Variants in DYRK1A observed in about 807,000 individuals in gnomAD.
DYRK1A encodes the protein dual specificity tyrosine phosphorylation regulated kinase 1A.
DYRK1A carries 9 observed loss-of-function variants against 79.7 expected under a neutral mutation model. That is an observed-to-expected ratio of 0.11 (90% CI 0.07 to 0.20). The LOEUF (loss-of-function observed/expected upper bound fraction) is 0.20, where lower values mean the gene tolerates loss of function less well. DYRK1A is among the 10% of genes least tolerant of loss of function. DYRK1A has a pLI of 1.00. For synonymous variants in DYRK1A, 349 were observed against 329.7 expected (o/e 1.06, Z -0.63); for missense variants, 622 against 956.0 (o/e 0.65, Z 4.61).
At chr21:37,510,038 A>T (rs112996123) in intron 11 of DYRK1A, among the ~76,000 whole-genome samples, 1 of 152,216 alleles carries the variant, frequency 6.6e-6, no homozygotes, top group Non-Finnish European at 1.5e-5. Context: ...ATCAAAAAAC[A>T]TAGTATATAG....
intron 1 of DYRK1A, among the ~76,000 whole-genome samples, chr21:37,377,211 C>A (rs975085049): frequency 5.3e-5 from 8 of 152,210 alleles, no homozygotes; most frequent in Non-Finnish European, 1.5e-5. Context: ...GCTCCGCCTC[C>A]TGGGTTTACG....
At chr21:37,451,930 A>G (rs2051465898) in intron 2 of DYRK1A, among the ~76,000 whole-genome samples, 1 of 152,136 alleles carries the variant, frequency 6.6e-6, no homozygotes, top group Non-Finnish European at 1.5e-5. Context: ...CGGGGATAGC[A>G]TGCTAGTTGG....
In DYRK1A at chr21:37,510,076, A is replaced by C. The variant is rs186567198; in HGVS notation, c.1645-1835A>C. Among the ~76,000 whole-genome samples the C allele has an allele frequency of 4.2e-3, 639 of 152,344 alleles. 1 individual carries two copies. Among genetic ancestry groups the C allele is most frequent in the Middle Eastern group, 0.031 (9 of 294 alleles). On this transcript the variant is annotated intron_variant, in intron 11 of 11. Transcript: ENST00000647188. The stretch of plus-strand genomic sequence containing the variant: ...GGTTTAGTCCTCTGCAGTTTCAGGC[A>C]TCCAGTGGGGATCTTGGACTGTATC...
At chr21:37,484,904 C>T (rs2052799870) in intron 5 of DYRK1A, among the ~76,000 whole-genome samples, 2 of 152,136 alleles carry the variant, frequency 1.3e-5, no homozygotes, top group African/African-American at 2.4e-5. Flanking sequence ...GCAGTGTCCA[C>T]GTTGAGGTTC....
At chr21:37,479,977 A>G (rs1256548029) in intron 4 of DYRK1A, among the ~76,000 whole-genome samples, 1 of 152,020 alleles carries the variant, frequency 6.6e-6, no homozygotes, top group Non-Finnish European at 1.5e-5. Flanking sequence ...CCATAGGCGT[A>G]TGGTCTTTGG....
intron 2 of DYRK1A, among the ~76,000 whole-genome samples, chr21:37,450,085 C>T (rs1266972198): frequency 6.6e-6 from 1 of 152,184 alleles, no homozygotes; most frequent in Non-Finnish European, 1.5e-5. Context: ...ACTTTCCTGC[C>T]TCCACTGTGG....
chr21:37,374,425 T>G (rs1475330124), intron 1 of DYRK1A, among the ~76,000 whole-genome samples: 1 of 151,550 alleles, frequency 6.6e-6, no homozygotes, highest in Non-Finnish European at 1.5e-5. Context: ...TATGAAATAT[T>G]ATTAGCTCTA....
intron 5 of DYRK1A, among the ~76,000 whole-genome samples, chr21:37,482,301 C>G (rs565681841): frequency 1.3e-5 from 2 of 152,254 alleles, no homozygotes; most frequent in African/African-American, 2.4e-5. Context: ...TCTATTTTCC[C>G]TAAGCGTCGG....
At chr21:37,400,463 A>AG (rs879808890) in intron 1 of DYRK1A, among the ~76,000 whole-genome samples, 1 of 152,226 alleles carries the variant, frequency 6.6e-6, no homozygotes, top group Non-Finnish European at 1.5e-5. Context: ...AGCAACTTGT[A>AG]GATATATCAT....
chr21:37,486,640 T>A lies in DYRK1A; in HGVS notation c.637+26T>A, dbSNP rs773000560. The A allele has an allele frequency of 6.7e-6, 10 of 1,486,422 alleles. 1 individual carries two copies. In the South Asian group the frequency reaches 1.3e-4, roughly 19 times the overall value. 92.1% of individuals were successfully genotyped at this position (1,486,422 alleles called of 1,614,324 possible). On this transcript the variant is annotated intron_variant, in intron 6 of 11. Transcript: ENST00000647188. ...GTAAACAAACAGGCAAACAGCGCAG[T>A]GTGCCCCAACCCACACCAAAACTTT...
intron 2 of DYRK1A, among the ~76,000 whole-genome samples, chr21:37,471,309 G>A (rs149929937): frequency 6.5e-4 from 99 of 152,344 alleles, no homozygotes; most frequent in Non-Finnish European, 1.2e-3. Context: ...AGAGTGTTGA[G>A]TCTCGTTGAC....
intron 2 of DYRK1A, among the ~76,000 whole-genome samples, chr21:37,450,469 T>TA (rs2051410437): frequency 6.6e-6 from 1 of 152,220 alleles, no homozygotes; most frequent in Non-Finnish European, 1.5e-5. Context: ...GTGGGGGAAC[T>TA]AGATGTCTGA....
At chr21:37,455,524 C>G (rs944662485) in intron 2 of DYRK1A, among the ~76,000 whole-genome samples, 3 of 152,140 alleles carry the variant, frequency 2.0e-5, no homozygotes, top group African/African-American at 4.8e-5. Flanking sequence ...CTTGGAACCG[C>G]TGAGTCATTC....
chr21:37,493,245 T>C, intron 8 of DYRK1A, 82 bp downstream of exon 8: 1 of 1,417,206 alleles, frequency 7.1e-7, no homozygotes, highest in Non-Finnish European at 9.6e-7. Flanking sequence ...TTAAAAGTTG[T>C]TTTTAGGCAA....
intron 5 of DYRK1A, among the ~76,000 whole-genome samples, chr21:37,485,329 T>C (rs983744916): frequency 1.2e-4 from 19 of 152,166 alleles, no homozygotes; most frequent in Non-Finnish European, 2.8e-4. Context: ...CAGAACCCCT[T>C]GGCCACATGT....
chr21:37,424,388 G>T (rs2050559834), intron 2 of DYRK1A, among the ~76,000 whole-genome samples: 1 of 152,082 alleles, frequency 6.6e-6, no homozygotes, highest in African/African-American at 2.4e-5. Flanking sequence ...AATATATATA[G>T]ATAAGTATAA....
intron 2 of DYRK1A, among the ~76,000 whole-genome samples, chr21:37,423,047 TA>T (rs1294570472): frequency 6.6e-6 from 1 of 152,180 alleles, no homozygotes; most frequent in Non-Finnish European, 1.5e-5. Context: ...CAGGTACTAT[TA>T]TAGGTGCTGC....
intron 2 of DYRK1A, among the ~76,000 whole-genome samples, chr21:37,457,011 AATTTACTTACTTACTTACTTACTT>A (rs1479783550): frequency 6.0e-5 from 8 of 132,908 alleles, no homozygotes; most frequent in Non-Finnish European, 1.3e-4. Flanking sequence ...GTAAAAAGAA[AATTTACTTACTTACTTACTTACTT>A]ACTTATTTAT....
chr21:37,385,250 T>G (rs1364943439), intron 1 of DYRK1A, among the ~76,000 whole-genome samples: 2 of 152,200 alleles, frequency 1.3e-5, no homozygotes, highest in African/African-American at 4.8e-5. Context: ...TTATCTCAGT[T>G]TCTGTGGGTC....
Sources: gnomAD v4.1 joint callset for allele counts (sites outside exome capture counted in the v4.1 genomes callset) on GRCh38, gnomAD v4.1.1 for gene constraint, MANE v1.5 for transcripts, NCBI Gene and HGNC (gene_info 2026-07-23, HGNC 2026-07-21) for gene names.